The following CA10 variants were observed in gnomAD, a reference collection of about 807,000 sequenced individuals.
The protein encoded by CA10 is carbonic anhydrase 10 (inactive).
Under a neutral mutation model 44.2 loss-of-function variants are expected in CA10, and 14 were observed. That is an observed-to-expected ratio of 0.32 (90% CI 0.21 to 0.50). CA10 has a LOEUF of 0.50. Ranked by LOEUF, CA10 falls within the 20% of genes least tolerant of loss-of-function variation. The probability of loss-of-function intolerance (pLI) is 0.99; values close to 1 mark genes in which losing one functional copy is unlikely to be tolerated. For missense variants in CA10, 350 were observed against 409.7 expected (o/e 0.85, Z 1.26); for synonymous variants, 159 against 141.6 (o/e 1.12, Z -0.87).
intron 5 of CA10, among the ~76,000 whole-genome samples, chr17:51,652,147 G>C (rs1209983507): frequency 6.6e-6 from 1 of 152,216 alleles, no homozygotes. Context: ...AGTCAGGGAA[G>C]ACTTGGATCC....
At chr17:51,801,491 T>TAA (rs56836202) in intron 3 of CA10, among the ~76,000 whole-genome samples, 1 of 150,228 alleles carries the variant, frequency 6.7e-6, no homozygotes, top group African/African-American at 2.4e-5. Flanking sequence ...GGAAAAAAAT[T>TAA]AAAAAAAAAC....
intron 3 of CA10, among the ~76,000 whole-genome samples, chr17:51,805,517 C>T (rs1184202847): frequency 6.6e-6 from 1 of 152,122 alleles, no homozygotes; most frequent in African/African-American, 2.4e-5. Context: ...GTGCCTGGGC[C>T]CCATTCTCAG....
At chr17:51,810,664 G>C (rs968035282) in intron 3 of CA10, among the ~76,000 whole-genome samples, 2 of 152,194 alleles carry the variant, frequency 1.3e-5, no homozygotes, top group African/African-American at 2.4e-5. Context: ...GAGTTTGTAA[G>C]TGGAGATATG....
At chr17:51,831,922 A>G (rs1196010971) in intron 3 of CA10, among the ~76,000 whole-genome samples, 1 of 152,200 alleles carries the variant, frequency 6.6e-6, no homozygotes, top group African/African-American at 2.4e-5. Context: ...GGGTTGCTAG[A>G]TAGGCAACTG....
chr17:51,799,039 G>A (rs997409102), intron 3 of CA10, among the ~76,000 whole-genome samples: 3 of 152,134 alleles, frequency 2.0e-5, no homozygotes, highest in East Asian at 1.9e-4. Flanking sequence ...AACTCTGAAA[G>A]CTTTCTTCTG....
At chr17:51,722,538 G>T (rs1916379882) in intron 4 of CA10, among the ~76,000 whole-genome samples, 1 of 152,216 alleles carries the variant, frequency 6.6e-6, no homozygotes, top group African/African-American at 2.4e-5. Context: ...GCTCATGTAA[G>T]TAACTCTGCT....
chr17:51,816,120 A>G (rs528765257), intron 3 of CA10, among the ~76,000 whole-genome samples: 28 of 151,858 alleles, frequency 1.8e-4, no homozygotes, highest in Non-Finnish European at 3.5e-4. Flanking sequence ...TTACTCTCTG[A>G]GTTTAATTGT....
chr17:52,075,291 T>G (rs1317987626), intron 1 of CA10, among the ~76,000 whole-genome samples: 1 of 152,144 alleles, frequency 6.6e-6, no homozygotes, highest in East Asian at 1.9e-4. Context: ...GATGCTTAAT[T>G]AACACAGACA....
At chr17:52,137,063 T>C (rs1294458872) in intron 1 of CA10, among the ~76,000 whole-genome samples, 2 of 152,114 alleles carry the variant, frequency 1.3e-5, no homozygotes, top group Non-Finnish European at 2.9e-5. Flanking sequence ...ATAATACTTA[T>C]TAAATTTTGA....
chr17:52,101,573 GC>G (rs1988540381), intron 1 of CA10, among the ~76,000 whole-genome samples: 1 of 152,178 alleles, frequency 6.6e-6, no homozygotes, highest in Non-Finnish European at 1.5e-5. Flanking sequence ...CCTGTGTGAT[GC>G]TTTTGACCAA....
At chr17:51,923,017 GA>G (rs1982291912) in intron 3 of CA10, among the ~76,000 whole-genome samples, 1 of 152,158 alleles carries the variant, frequency 6.6e-6, no homozygotes, top group Non-Finnish European at 1.5e-5. Flanking sequence ...AGATGAGTAA[GA>G]ATTGCATCCA....
chr17:51,807,884 G>C (rs1029005234), intron 3 of CA10, among the ~76,000 whole-genome samples: 1 of 152,202 alleles, frequency 6.6e-6, no homozygotes, highest in East Asian at 1.9e-4. Context: ...ACCTTGCAGG[G>C]TGCTGGGAAT....
intron 2 of CA10, among the ~76,000 whole-genome samples, chr17:51,965,886 A>C (rs1984061476): frequency 6.6e-6 from 1 of 152,038 alleles, no homozygotes; most frequent in African/African-American, 2.4e-5. Flanking sequence ...CAAGAGAAAA[A>C]AATAAAAAGC....
chr17:52,130,590 A>G (rs2143346385), intron 1 of CA10, among the ~76,000 whole-genome samples: 1 of 152,352 alleles, frequency 6.6e-6, no homozygotes, highest in East Asian at 1.9e-4. Context: ...TGTGGAACGT[A>G]ATAAAGTTGA....
chr17:51,928,591 C>A (rs922110016), intron 3 of CA10, among the ~76,000 whole-genome samples: 2 of 152,070 alleles, frequency 1.3e-5, no homozygotes, highest in East Asian at 1.9e-4. Flanking sequence ...GATAAAAATG[C>A]GACACAAAAC....
At chr17:52,068,483 G>C (rs995886287) in intron 2 of CA10, among the ~76,000 whole-genome samples, 1 of 152,188 alleles carries the variant, frequency 6.6e-6, no homozygotes, top group South Asian at 2.1e-4. Context: ...GTGCTGTCAA[G>C]TATTCCTCAC....
chr17:52,042,229 A>C, intron 2 of CA10, among the ~76,000 whole-genome samples: 1 of 151,970 alleles, frequency 6.6e-6, no homozygotes. Context: ...ATAAGGGTTC[A>C]CTTTTCTTCT....
chr17:52,089,716 T>C (rs1988210315), intron 1 of CA10, among the ~76,000 whole-genome samples: 1 of 152,054 alleles, frequency 6.6e-6, no homozygotes, highest in South Asian at 2.1e-4. Context: ...ATGAAATGTA[T>C]ATATATTTTA....
chr17:51,953,687 T>C (rs1447139329), intron 2 of CA10, among the ~76,000 whole-genome samples: 2 of 152,156 alleles, frequency 1.3e-5, no homozygotes, highest in East Asian at 1.9e-4. Flanking sequence ...ATATATTTGA[T>C]ATAAATATAC....
Sources: gnomAD v4.1 joint callset for allele counts (sites outside exome capture counted in the v4.1 genomes callset) on GRCh38, gnomAD v4.1.1 for gene constraint, MANE v1.5 for transcripts, NCBI Gene and HGNC (gene_info 2026-07-23, HGNC 2026-07-21) for gene names.